PSMD9: variants seen among roughly 807,000 people sequenced by gnomAD.
PSMD9 encodes 26S proteasome non-ATPase regulatory subunit 9.
PSMD9 carries 26 observed loss-of-function variants against 25.9 expected under a neutral mutation model. The observed-to-expected ratio is 1.00, with a 90% CI of 0.73 to 1.39. The LOEUF (loss-of-function observed/expected upper bound fraction) is 1.39, where lower values mean the gene tolerates loss of function less well. Among genes scored for constraint, PSMD9 ranks in the 40% most tolerant of loss-of-function variants. The probability of loss-of-function intolerance (pLI) is 0.00; values close to 1 mark genes in which losing one functional copy is unlikely to be tolerated. For missense variants in PSMD9, 303 were observed against 299.3 expected, an observed-to-expected ratio of 1.01 and a Z score of -0.09; for synonymous variants, 110 against 114.5, an observed-to-expected ratio of 0.96 and a Z score of 0.25.
Position 121,899,822 on chromosome 12 carries a change from C to T in PSMD9, c.430C>T (p.Pro144Ser). The T allele has an allele frequency of 6.2e-7, 1 of 1,614,010 alleles. No homozygotes were observed. The highest frequency in any genetic ancestry group is 8.5e-7 in the Non-Finnish European group (1 of 1,179,888). ...CTTCGCCAAAGTGAACAGCATCAGC[C>T]CCGGCTCCCCAGCCAGCATCGCGGT... ...RAFAKVNSIS[P>S]GSPASIAGLQ... The change falls in exon 3 of 6, where the codon CCC (proline) becomes TCC (serine). Residue 144 changes from proline (P) to serine (S), a missense_variant. Pro to Ser is a moderately conservative substitution (Grantham distance 74). Coordinates refer to ENST00000541212, the MANE Select transcript of PSMD9 (RefSeq NM_002813.7).
intron 4 of PSMD9, among the ~76,000 whole-genome samples, chr12:121,909,342 C>G (rs950775004): frequency 6.7e-6 from 1 of 150,148 alleles, no homozygotes; most frequent in East Asian, 1.9e-4. Flanking sequence ...GACAGGGTCT[C>G]TCGCTCTGCT....
intron 4 of PSMD9, among the ~76,000 whole-genome samples, chr12:121,913,227 A>T (rs536076335): frequency 2.8e-4 from 43 of 151,646 alleles, no homozygotes; most frequent in Admixed American, 2.3e-3. Context: ...TACAGGCGTG[A>T]GCCACCGCGC....
chr12:121,910,592 C>G (rs1024083354), intron 4 of PSMD9, among the ~76,000 whole-genome samples: 1 of 151,524 alleles, frequency 6.6e-6, no homozygotes. Context: ...GAAACCCTAT[C>G]TCTACTAAAA....
intron 1 of PSMD9, among the ~76,000 whole-genome samples, chr12:121,891,799 G>C (rs146692143): frequency 7.3e-5 from 11 of 150,502 alleles, no homozygotes; most frequent in Non-Finnish European, 1.5e-4. Flanking sequence ...CCAGCTACCC[G>C]GGAGGCTGAT....
chr12:121,899,755 C>T lies in PSMD9; in HGVS notation c.363C>T (p.Ser121=), dbSNP rs747867040. The T allele has an allele frequency of 1.5e-5, 24 of 1,613,940 alleles. No individual in the cohort carries two copies. The highest frequency in any genetic ancestry group is 2.0e-5 in the Non-Finnish European group (24 of 1,179,964). Reference sequence around the variant, plus strand: ...CTGAGGCCCACAAAGAGGCCATGAGCCGCAAACTGGGTCAGAGTGAGAGCC... The same window carrying T: ...CTGAGGCCCACAAAGAGGCCATGAGTCGCAAACTGGGTCAGAGTGAGAGCC... ...DMAEAHKEAM[S]RKLGQSESQG... is the part of the protein sequence containing the mutation. Residue 121 remains serine, a synonymous_variant, in exon 3 of 6, where the codon AGC becomes AGT. Coordinates refer to ENST00000541212, the MANE Select transcript of PSMD9 (RefSeq NM_002813.7).
At chr12:121,900,817 T>G (rs1879372269) in intron 3 of PSMD9, among the ~76,000 whole-genome samples, 1 of 151,740 alleles carries the variant, frequency 6.6e-6, no homozygotes, top group African/African-American at 2.4e-5. Context: ...AAACCCCATC[T>G]CTACTAAAAA....
At chr12:121,900,900 G>A (rs556365890) in intron 3 of PSMD9, among the ~76,000 whole-genome samples, 14 of 150,022 alleles carry the variant, frequency 9.3e-5, no homozygotes, top group Non-Finnish European at 1.6e-4. Context: ...CAGGAGAATC[G>A]CCTGAACCCA....
Position 121,915,479 on chromosome 12 carries a change from A to G in PSMD9, c.556-377A>G, listed in dbSNP as rs567838214. On this transcript the variant is annotated intron_variant, in intron 4 of 5. Transcript: ENST00000541212. ...GTGTTTTCAGTTTTTGAATTTCTACACAGTCCTGGAATGAACATTTCATTT... is the reference window on the plus strand; with the variant it reads ...GTGTTTTCAGTTTTTGAATTTCTACGCAGTCCTGGAATGAACATTTCATTT... 18 of 180,640 alleles carry G rather than the reference A, an allele frequency of 1.0e-4. No homozygotes were observed. The South Asian group carries it at 2.4e-3, about 24-fold the overall frequency. The allele number at this position is 180,640 out of a possible 1,614,324, so 11.2% of individuals were successfully genotyped here.
At chr12:121,904,854 C>T (rs1435076933) in intron 4 of PSMD9, among the ~76,000 whole-genome samples, 2 of 151,064 alleles carry the variant, frequency 1.3e-5, no homozygotes, top group South Asian at 2.1e-4. Context: ...GATGGGGTTT[C>T]GCTATGTTGG....
At chr12:121,910,171 C>T (rs1037706653) in intron 4 of PSMD9, among the ~76,000 whole-genome samples, 3 of 149,592 alleles carry the variant, frequency 2.0e-5, no homozygotes, top group African/African-American at 2.5e-5. Context: ...CTGCAGCCTC[C>T]GCCTCCCAGG....
chr12:121,909,439 AG>A (rs1206546183), intron 4 of PSMD9, among the ~76,000 whole-genome samples: 1 of 151,390 alleles, frequency 6.6e-6, no homozygotes, highest in African/African-American at 2.4e-5. Context: ...TTGGCCTCCC[AG>A]GTAGCTGGGA....
At chr12:121,910,801 C>G (rs894700588) in intron 4 of PSMD9, 3 of 320,850 alleles carry the variant, frequency 9.4e-6, no homozygotes, top group African/African-American at 6.6e-5. Flanking sequence ...AAAAAATCTA[C>G]ACTTTAGTGG....
At chr12:121,905,042 T>C (rs1879513393) in intron 4 of PSMD9, among the ~76,000 whole-genome samples, 1 of 151,778 alleles carries the variant, frequency 6.6e-6, no homozygotes, top group Non-Finnish European at 1.5e-5. Flanking sequence ...CCATCACAAT[T>C]GTACATTTTC....
At chr12:121,911,809 C>G (rs1314525658) in intron 4 of PSMD9, among the ~76,000 whole-genome samples, 1 of 151,678 alleles carries the variant, frequency 6.6e-6, no homozygotes, top group Non-Finnish European at 1.5e-5. Context: ...CCCACCACCA[C>G]TCCCAGCTAA....
At position 121,916,434 on chromosome 12, in the gene PSMD9, T is replaced by C; in HGVS notation, c.*123T>C. ...CTGGAAGAGGCTTGTAACCTGAACT[T>C]CTGTGTGGTGGCAGTACTGTGGCCC... is the stretch of plus-strand genomic sequence containing the variant. On this transcript the variant is annotated 3_prime_UTR_variant, in exon 6 of 6. Coordinates refer to ENST00000541212, the MANE Select transcript of PSMD9 (RefSeq NM_002813.7). 8.0e-7 allele frequency: 1 copy of C among 1,242,794 alleles called. No homozygotes were observed. 77.0% of individuals were successfully genotyped at this position (1,242,794 alleles called of 1,614,324 possible). A position where few individuals can be genotyped will look rare whatever the true frequency, so the allele number is the denominator to read the frequency against.
At chr12:121,899,604 T>G (rs1482909134) in intron 2 of PSMD9, 30 bp from the exon 3 acceptor site, 1 of 1,561,900 alleles carries the variant, frequency 6.4e-7, no homozygotes, top group Admixed American at 1.9e-5. Flanking sequence ...ACTGTCTTCC[T>G]TGGCCCCTGA....
chr12:121,912,868 CAAAAAA>C (rs35325016), intron 4 of PSMD9, among the ~76,000 whole-genome samples: 1 of 85,792 alleles, frequency 1.2e-5, no homozygotes, highest in Non-Finnish European at 2.2e-5. Context: ...AACCCTGTCT[CAAAAAA>C]AAAAAAAAAA....
chr12:121,894,464 C>T (rs985023141), intron 1 of PSMD9: 13 of 361,034 alleles, frequency 3.6e-5, no homozygotes, highest in African/African-American at 2.5e-4. Context: ...GGATGATGCT[C>T]AAAGGAGTCT....
At chr12:121,895,465 A>G (rs1296628375) in intron 2 of PSMD9, among the ~76,000 whole-genome samples, 1 of 152,208 alleles carries the variant, frequency 6.6e-6, no homozygotes, top group African/African-American at 2.4e-5. Flanking sequence ...GCCATAACAA[A>G]TGACCACAGA....
Sources: allele counts gnomAD v4.1 joint callset (sites outside exome capture counted in the v4.1 genomes callset), GRCh38; gene constraint gnomAD v4.1.1; transcripts MANE v1.5; gene names NCBI Gene and HGNC (gene_info 2026-07-23, HGNC 2026-07-21).